The following CNBD1 variants were observed in gnomAD, a reference collection of about 807,000 sequenced individuals.
The protein encoded by CNBD1 is cyclic nucleotide-binding domain-containing protein 1.
In CNBD1, 71 loss-of-function variants were observed where a neutral mutation model predicts 54.4. That is an observed-to-expected ratio of 1.30 (90% CI 1.08 to 1.59). The LOEUF (loss-of-function observed/expected upper bound fraction) is 1.59, where lower values mean the gene tolerates loss of function less well. Ranked by LOEUF, CNBD1 falls within the 40% of genes most tolerant of loss-of-function variation. The probability of loss-of-function intolerance (pLI) is 0.00; values close to 1 mark genes in which losing one functional copy is unlikely to be tolerated. For missense variants in CNBD1, 659 were observed against 518.0 expected (o/e 1.27, Z -2.64); for synonymous variants, 182 against 170.7 (o/e 1.07, Z -0.51).
intron 6 of CNBD1, among the ~76,000 whole-genome samples, chr8:87,279,780 A>G (rs1465299211): frequency 6.6e-6 from 1 of 151,150 alleles, no homozygotes; most frequent in Non-Finnish European, 1.5e-5. Flanking sequence ...TAAAAAGGAA[A>G]TGCTTTATAT....
At chr8:87,015,398 GA>G (rs1809333994) in intron 4 of CNBD1, among the ~76,000 whole-genome samples, 1 of 152,052 alleles carries the variant, frequency 6.6e-6, no homozygotes, top group South Asian at 2.1e-4. Flanking sequence ...TGTTAGTCAG[GA>G]TGGTCTCCGT....
At chr8:87,265,651 T>G (rs10112169) in intron 6 of CNBD1, among the ~76,000 whole-genome samples, 34,590 of 151,990 alleles carry the variant, frequency 0.23, 4,121 homozygotes, top group South Asian at 0.28. Context: ...GAGCTAAATC[T>G]AGGCTGCAGT....
At chr8:87,262,341 G>A (rs1448155715) in intron 6 of CNBD1, among the ~76,000 whole-genome samples, 2 of 152,114 alleles carry the variant, frequency 1.3e-5, no homozygotes, top group Non-Finnish European at 2.9e-5. Flanking sequence ...TTTCTGATGT[G>A]ATGTTTAATT....
chr8:87,414,149 T>G (rs1448346457), intron 2 of CNBD1, among the ~76,000 whole-genome samples: 1 of 151,784 alleles, frequency 6.6e-6, no homozygotes, highest in Non-Finnish European at 1.5e-5. Flanking sequence ...TAGACTGGAT[T>G]AAGAAAATGT....
intron 8 of CNBD1, among the ~76,000 whole-genome samples, chr8:87,340,901 T>A (rs1405390332): frequency 1.3e-5 from 2 of 152,086 alleles, no homozygotes; most frequent in Non-Finnish European, 2.9e-5. Context: ...GTTTCTGAAG[T>A]TTTATTTATT....
At chr8:87,423,094 G>T (rs1024316137) in intron 2 of CNBD1, among the ~76,000 whole-genome samples, 3 of 152,010 alleles carry the variant, frequency 2.0e-5, no homozygotes, top group African/African-American at 7.3e-5. Context: ...TTGGTGTATA[G>T]GAATGCTTGT....
intron 4 of CNBD1, among the ~76,000 whole-genome samples, chr8:87,027,274 A>G (rs1171164326): frequency 3.3e-5 from 5 of 151,764 alleles, no homozygotes; most frequent in Non-Finnish European, 7.4e-5. Context: ...TTTTATTTTT[A>G]TTTATTTATT....
intron 6 of CNBD1, among the ~76,000 whole-genome samples, chr8:87,265,526 A>G (rs1808235803): frequency 6.6e-6 from 1 of 152,106 alleles, no homozygotes; most frequent in Admixed American, 6.6e-5. Flanking sequence ...TTCACATAAG[A>G]TAATGGGATA....
intron 8 of CNBD1, among the ~76,000 whole-genome samples, chr8:87,333,266 T>A (rs867952448): frequency 5.9e-5 from 9 of 152,180 alleles, no homozygotes; most frequent in African/African-American, 1.9e-4. Flanking sequence ...CTTAAGGAGT[T>A]TTTGGGATGA....
chr8:86,875,006 ATATATATATATATATG>A (rs1195455629), intron 1 of CNBD1, among the ~76,000 whole-genome samples: 2 of 144,832 alleles, frequency 1.4e-5, no homozygotes. Flanking sequence ...ATATATATAT[ATATATATATATATATG>A]TATTAAAAAT....
intron 4 of CNBD1, among the ~76,000 whole-genome samples, chr8:87,197,652 T>C (rs1813749820): frequency 6.6e-6 from 1 of 152,140 alleles, no homozygotes; most frequent in African/African-American, 2.4e-5. Flanking sequence ...AAAATAGAAA[T>C]TGATCAGGAA....
chr8:87,287,959 AT>A (rs552092887), intron 8 of CNBD1, among the ~76,000 whole-genome samples: 1 of 151,952 alleles, frequency 6.6e-6, no homozygotes, highest in Admixed American at 6.6e-5. Flanking sequence ...TGTTTATGAC[AT>A]TTTTTTCCTA....
At chr8:87,339,804 C>T (rs1166037027) in intron 8 of CNBD1, among the ~76,000 whole-genome samples, 1 of 151,638 alleles carries the variant, frequency 6.6e-6, no homozygotes, top group Admixed American at 6.6e-5. Flanking sequence ...CACTTTTACT[C>T]TTCTCCCTTC....
At chr8:87,326,788 CCTT>C (rs1228373105) in intron 8 of CNBD1, among the ~76,000 whole-genome samples, 1 of 111,930 alleles carries the variant, frequency 8.9e-6, no homozygotes, top group South Asian at 2.9e-4. Flanking sequence ...TCATCTGAAG[CCTT>C]CTTCTCTCAG....
chr8:86,981,520 T>C (rs943493691), intron 4 of CNBD1, among the ~76,000 whole-genome samples: 7 of 152,194 alleles, frequency 4.6e-5, no homozygotes, highest in African/African-American at 7.2e-5. Context: ...ATTTTGGCAA[T>C]GTGTACAATT....
intron 6 of CNBD1, among the ~76,000 whole-genome samples, chr8:87,253,166 T>A (rs1807943523): frequency 1.3e-5 from 2 of 152,112 alleles, no homozygotes; most frequent in Admixed American, 1.3e-4. Flanking sequence ...ATTCTCTTTT[T>A]CCCTTTACTC....
intron 4 of CNBD1, among the ~76,000 whole-genome samples, chr8:87,134,575 C>A (rs971199573): frequency 9.5e-5 from 14 of 147,726 alleles, no homozygotes; most frequent in Non-Finnish European, 1.5e-4. Flanking sequence ...TTCAGATTCA[C>A]CTTTGTTAAT....
In CNBD1 at chr8:87,057,866, G is replaced by GAC. The variant is rs552271045; in HGVS notation, c.431+118128_431+118129dup. On this transcript the variant is annotated intron_variant, in intron 4 of 10. Coordinates refer to ENST00000518476, the MANE Select transcript of CNBD1 (RefSeq NM_173538.3). ...TCCATCTAAAAAACAGATAAACAAA[G>GAC]ACACACACACACACACAATCGTGCC... 3.8e-3 allele frequency among the ~76,000 whole-genome samples: 580 copies of GAC among 150,676 alleles called. 5 individuals are homozygous for GAC. The highest frequency in any genetic ancestry group is 0.011 in the African/African-American group (450 of 41,090).
intron 4 of CNBD1, among the ~76,000 whole-genome samples, chr8:87,090,920 C>T (rs1211221913): frequency 6.6e-6 from 1 of 152,064 alleles, no homozygotes; most frequent in Non-Finnish European, 1.5e-5. Context: ...ACAGGTGGAT[C>T]ACCTGAGGTC....
Sources: allele counts gnomAD v4.1 joint callset (sites outside exome capture counted in the v4.1 genomes callset), GRCh38; gene constraint gnomAD v4.1.1; transcripts MANE v1.5; gene names NCBI Gene and HGNC (gene_info 2026-07-23, HGNC 2026-07-21).